The following MMP26 variants were observed in gnomAD, a reference collection of about 807,000 sequenced individuals.
The protein encoded by MMP26 is matrix metalloproteinase-26.
MMP26 carries 33 observed loss-of-function variants against 31.0 expected under a neutral mutation model. That is an observed-to-expected ratio of 1.06 (90% CI 0.81 to 1.42). MMP26 has a LOEUF of 1.42. Among genes scored for constraint, MMP26 ranks in the 40% most tolerant of loss-of-function variants. MMP26 has a pLI of 0.00. For missense variants in MMP26, 347 were observed against 316.1 expected (o/e 1.10, Z -0.74); for synonymous variants, 122 against 114.9 (o/e 1.06, Z -0.40).
chr11:4,991,979 T>G lies in MMP26; in HGVS notation c.611T>G (p.Leu204Arg). Residue 204 changes from leucine to arginine, a missense_variant, in exon 7 of 8, where the codon CTG becomes CGG. Coordinates refer to ENST00000380390, the MANE Select transcript of MMP26 (RefSeq NM_021801.5). ...AATTTTTCAGGATATAATCTGTTCC[T>G]GGTTGCAACTCATGAGATTGGGCAT... ...SASDTGYNLF[L>R]VATHEIGHSL... is the part of the protein sequence containing the mutation. The G allele has an allele frequency of 6.2e-7, 1 of 1,604,484 alleles. No homozygotes were observed. The highest frequency in any genetic ancestry group is 1.1e-5 in the South Asian group (1 of 88,532).
intron 2 of MMP26, among the ~76,000 whole-genome samples, chr11:4,824,676 A>T (rs750808465): frequency 6.6e-6 from 1 of 152,088 alleles, no homozygotes; most frequent in African/African-American, 2.4e-5. Context: ...AACTTCCCTG[A>T]TATTTCTATA....
At position 4,903,235 on chromosome 11, in the gene MMP26, T is replaced by C. The variant is rs946117337; in HGVS notation, c.-144-84833T>C. ...CAATATAATGTGGAAGGCATGTAGTTTTGAGACACTGCTTTAAAAATCTAA... is the reference window on the plus strand; with the variant it reads ...CAATATAATGTGGAAGGCATGTAGTCTTGAGACACTGCTTTAAAAATCTAA... On this transcript the variant is annotated intron_variant, in intron 2 of 7. Coordinates refer to ENST00000380390, the MANE Select transcript of MMP26 (RefSeq NM_021801.5). 2.4e-4 allele frequency among the ~76,000 whole-genome samples: 36 copies of C among 152,198 alleles called. 1 individual carries two copies. The highest frequency in any genetic ancestry group is 1.6e-3 in the Admixed American group (24 of 15,286).
At chr11:4,747,989 A>G (rs1211476570) in intron 1 of MMP26, among the ~76,000 whole-genome samples, 1 of 152,080 alleles carries the variant, frequency 6.6e-6, no homozygotes, top group Admixed American at 6.6e-5. Context: ...GAACAATACA[A>G]ACAATCAACA....
intron 2 of MMP26, chr11:4,768,995 A>C (rs759081904): frequency 6.6e-7 from 1 of 1,506,282 alleles, no homozygotes; most frequent in Non-Finnish European, 8.9e-7. Flanking sequence ...TGTAAGCAGC[A>C]GACTGAGCAT....
chr11:4,990,653 A>G lies in MMP26; in HGVS notation c.376A>G (p.Asn126Asp). 1 of 1,614,120 alleles carries G rather than the reference A, an allele frequency of 6.2e-7. No individual in the cohort carries two copies. Among genetic ancestry groups the G allele is most frequent in the Non-Finnish European group, 8.5e-7 (1 of 1,179,970 alleles). Residue 126 changes from asparagine to aspartate, a missense_variant, in exon 5 of 8, where the codon AAT becomes GAT. Transcript: ENST00000380390. ...KPSAVKDSIY[N>D]AVSIWSNVTP... ...ATCCGCAGTGAAAGACAGTATATAT[A>G]ATGCAGTTTCCATCTGGAGCAATGT...
chr11:4,894,568 T>G (rs1850674087), intron 2 of MMP26, among the ~76,000 whole-genome samples: 1 of 152,116 alleles, frequency 6.6e-6, no homozygotes, highest in Non-Finnish European at 1.5e-5. Context: ...TTTTAATCAA[T>G]TAATGTCATT....
intron 2 of MMP26, among the ~76,000 whole-genome samples, chr11:4,791,028 C>A (rs1166066398): frequency 3.3e-5 from 5 of 152,102 alleles, no homozygotes. Context: ...TTCCAACATC[C>A]TGCTTGTTGT....
intron 1 of MMP26, among the ~76,000 whole-genome samples, chr11:4,725,180 G>A (rs2133278813): frequency 6.6e-6 from 1 of 152,266 alleles, no homozygotes; most frequent in East Asian, 1.9e-4. Flanking sequence ...CATGCTTCCT[G>A]TAGAACCTGC....
At chr11:4,771,323 C>G (rs1048217835) in intron 2 of MMP26, among the ~76,000 whole-genome samples, 9 of 152,088 alleles carry the variant, frequency 5.9e-5, no homozygotes, top group Non-Finnish European at 1.2e-4. Context: ...TGCACTGACA[C>G]TAGTAAGTGT....
intron 1 of MMP26, among the ~76,000 whole-genome samples, chr11:4,742,679 G>T (rs1247408284): frequency 6.6e-6 from 1 of 152,076 alleles, no homozygotes; most frequent in Non-Finnish European, 1.5e-5. Context: ...AGAAGAGGAG[G>T]TGTTTGATAT....
intron 2 of MMP26, among the ~76,000 whole-genome samples, chr11:4,836,649 A>ATGTTTTTTTT (rs1849722989): frequency 7.4e-6 from 1 of 136,016 alleles, no homozygotes; most frequent in Non-Finnish European, 1.6e-5. Flanking sequence ...AATCAAAGAC[A>ATGTTTTTTTT]TCTTTTTTTT....
chr11:4,938,030 A>G (rs1846153835), intron 2 of MMP26: 1 of 152,230 alleles, frequency 6.6e-6, no homozygotes, highest in South Asian at 2.1e-4. Flanking sequence ...TGGACATCAA[A>G]TAGGAATAGT....
intron 2 of MMP26, chr11:4,915,432 G>A: frequency 6.2e-7 from 1 of 1,614,070 alleles, no homozygotes; most frequent in East Asian, 2.2e-5. Flanking sequence ...CAAAGGGAGA[G>A]ACCCAGGTCA....
intron 1 of MMP26, among the ~76,000 whole-genome samples, chr11:4,715,857 G>C (rs186155871): frequency 6.6e-6 from 1 of 152,140 alleles, no homozygotes; most frequent in Non-Finnish European, 1.5e-5. Flanking sequence ...CCATGATTAC[G>C]TTACATTATA....
intron 2 of MMP26, among the ~76,000 whole-genome samples, chr11:4,869,105 A>G (rs1174753906): frequency 2.0e-5 from 3 of 152,236 alleles, no homozygotes; most frequent in African/African-American, 4.8e-5. Flanking sequence ...ACCTAAAACC[A>G]TAAAAATCCT....
chr11:4,889,330 A>G (rs1850585052), intron 2 of MMP26, among the ~76,000 whole-genome samples: 1 of 152,068 alleles, frequency 6.6e-6, no homozygotes, highest in African/African-American at 2.4e-5. Context: ...ACCAAATACA[A>G]CAAAAATACT....
At chr11:4,907,339 A>T in intron 2 of MMP26, 1 of 1,439,338 alleles carries the variant, frequency 6.9e-7, no homozygotes, top group South Asian at 1.2e-5. Flanking sequence ...ATGGTTTCAG[A>T]TCCGGCTAAC....
intron 2 of MMP26, among the ~76,000 whole-genome samples, chr11:4,857,723 T>G (rs151006188): frequency 1.3e-5 from 2 of 152,288 alleles, no homozygotes; most frequent in African/African-American, 4.8e-5. Context: ...TAAATCATTT[T>G]ATGAGGCCAG....
At chr11:4,928,571 C>A (rs1332085701) in intron 2 of MMP26, among the ~76,000 whole-genome samples, 1 of 152,126 alleles carries the variant, frequency 6.6e-6, no homozygotes, top group African/African-American at 2.4e-5. Context: ...TGAGCATAAT[C>A]TTCAGTTTCC....
Sources: gnomAD v4.1 joint callset for allele counts (sites outside exome capture counted in the v4.1 genomes callset) on GRCh38, gnomAD v4.1.1 for gene constraint, MANE v1.5 for transcripts, NCBI Gene and HGNC (gene_info 2026-07-23, HGNC 2026-07-21) for gene names.